The following NLRP7 variants were observed in gnomAD, a reference collection of about 807,000 sequenced individuals.
NLRP7 encodes NLR family pyrin domain containing 7.
In NLRP7, 72 loss-of-function variants were observed where a neutral mutation model predicts 85.5. The ratio of observed to expected loss-of-function variants is 0.84; its 90% CI spans 0.70 to 1.02. NLRP7 has a LOEUF of 1.02. Ranked by LOEUF, NLRP7 falls within the 50% of genes least tolerant of loss-of-function variation. NLRP7 has a pLI of 0.00. For synonymous variants in NLRP7, 550 were observed against 505.2 expected, an observed-to-expected ratio of 1.09 and a Z score of -1.19; for missense variants, 1,243 against 1,219.5, an observed-to-expected ratio of 1.02 and a Z score of -0.29.
At chr19:54,938,336 C>T in intron 4 of NLRP7, 95 bp from the exon 5 acceptor site, 1 of 957,930 alleles carries the variant, frequency 1.0e-6, no homozygotes, top group Non-Finnish European at 1.7e-6. Flanking sequence ...ACCACAATTA[C>T]TTTTGCACCA....
intron 9 of NLRP7, among the ~76,000 whole-genome samples, chr19:54,929,384 C>A (rs992596209): frequency 5.3e-5 from 7 of 132,824 alleles, no homozygotes; most frequent in African/African-American, 1.9e-4. Flanking sequence ...AAAAAGTACC[C>A]TGTGTTCTAG....
intron 1 of NLRP7, among the ~76,000 whole-genome samples, chr19:54,959,042 G>A (rs993275659): frequency 1.3e-5 from 2 of 152,090 alleles, no homozygotes; most frequent in African/African-American, 4.8e-5. Context: ...CTAGGTTTAC[G>A]CCAGGCAGGC....
At chr19:54,963,135 C>G (rs1241617586) in intron 1 of NLRP7, among the ~76,000 whole-genome samples, 1 of 152,096 alleles carries the variant, frequency 6.6e-6, no homozygotes, top group African/African-American at 2.4e-5. Flanking sequence ...GTGGCTCACA[C>G]CGGAAATCCC....
intron 9 of NLRP7, among the ~76,000 whole-genome samples, chr19:54,927,311 G>A (rs1348231866): frequency 6.9e-6 from 1 of 144,418 alleles, no homozygotes; most frequent in Non-Finnish European, 1.5e-5. Flanking sequence ...AACCCAGGAG[G>A]TGGGGGTTGC....
chr19:54,940,198 C>G (rs748771871), exon 4 of NLRP7: 3 of 1,614,028 alleles, frequency 1.9e-6, no homozygotes, highest in African/African-American at 2.7e-5. Flanking sequence ...TGAGGTAGAA[C>G]GCGTATCTGA....
chr19:54,939,000 A>T, exon 4 of NLRP7: 1 of 1,614,208 alleles, frequency 6.2e-7, no homozygotes, highest in East Asian at 2.2e-5. Flanking sequence ...CTGAAGGAAC[A>T]ATGCATCACT....
intron 1 of NLRP7, among the ~76,000 whole-genome samples, chr19:54,946,946 T>G (rs2069502233): frequency 6.6e-6 from 1 of 152,086 alleles, no homozygotes; most frequent in African/African-American, 2.4e-5. Context: ...GGCCTTATAT[T>G]TTTTTGTAAT....
chr19:54,932,717 G>A (rs175093), intron 8 of NLRP7, among the ~76,000 whole-genome samples: 24,047 of 151,810 alleles, frequency 0.16, 2,385 homozygotes, highest in South Asian at 0.24. Flanking sequence ...GTGCAGTGGC[G>A]CCATCTCAGC....
Position 54,933,538 on chromosome 19 carries a change from G to GCACA in NLRP7, c.2642+27_2642+30dup. 3.2e-6 allele frequency: 5 copies of GCACA among 1,587,218 alleles called. No individual in the cohort carries two copies. The East Asian group carries it at 6.8e-5, about 21-fold the overall frequency. On this transcript the variant is annotated intron_variant, in intron 8 of 9. Transcript: ENST00000340844. ...ATGTCTCTCCTGCTTGAATTCATGT[G>GCACA]CACACACACACACACCCAGCAGGGA...
chr19:54,956,502 G>A (rs1346089240), intron 1 of NLRP7, among the ~76,000 whole-genome samples: 1 of 150,678 alleles, frequency 6.6e-6, no homozygotes, highest in Non-Finnish European at 1.5e-5. Flanking sequence ...CCACCCTGGT[G>A]AACATGGCAA....
chr19:54,957,682 A>G (rs1377795220), intron 1 of NLRP7, among the ~76,000 whole-genome samples: 1 of 152,126 alleles, frequency 6.6e-6, no homozygotes, highest in Non-Finnish European at 1.5e-5. Context: ...CAGCTAGATG[A>G]GCTTCAATCA....
At chr19:54,956,332 G>T (rs2069852265) in intron 1 of NLRP7, among the ~76,000 whole-genome samples, 1 of 152,146 alleles carries the variant, frequency 6.6e-6, no homozygotes, top group African/African-American at 2.4e-5. Context: ...CTCTGCTGGA[G>T]AACTGGTTGT....
intron 2 of NLRP7, 63 bp downstream of exon 2, chr19:54,941,372 A>T: frequency 1.5e-5 from 16 of 1,042,216 alleles, no homozygotes; most frequent in Non-Finnish European, 2.3e-5. Context: ...ACAGAACGAG[A>T]CTCCATCTCA....
intron 1 of NLRP7, among the ~76,000 whole-genome samples, chr19:54,942,821 T>C (rs1347121735): frequency 1.3e-5 from 2 of 152,008 alleles, no homozygotes; most frequent in East Asian, 2.0e-4. Context: ...GAATGACACA[T>C]TGAAAACAAA....
intron 5 of NLRP7, among the ~76,000 whole-genome samples, chr19:54,936,984 C>T (rs989283295): frequency 1.3e-5 from 2 of 149,894 alleles, no homozygotes; most frequent in Non-Finnish European, 1.5e-5. Context: ...AGGCCGAGGC[C>T]GAGGCGGGTG....
chr19:54,927,558 AAAAACAAAAACAAAAAAC>A lies in NLRP7; in HGVS notation c.2810+2923_2810+2940del, dbSNP rs551796210. ...ATGACAGAGCACGACTCCATCTCAA[AAAAACAAAAACAAAAAAC>A]AAAACAAAACAAAACAAAAAACCCA... On this transcript the variant is annotated intron_variant, in intron 9 of 9. Transcript: ENST00000340844. The A allele has an allele frequency of 7.4e-4, 1,141 of 1,551,008 alleles. 20 individuals carry two copies. The South Asian group carries it at 0.012, about 16-fold the overall frequency.
chr19:54,937,579 G>A (rs1253627904), intron 5 of NLRP7, among the ~76,000 whole-genome samples: 1 of 150,438 alleles, frequency 6.6e-6, no homozygotes, highest in African/African-American at 2.4e-5. Flanking sequence ...GTGACAGAGT[G>A]AAACTCTGTC....
intron 8 of NLRP7, among the ~76,000 whole-genome samples, chr19:54,932,131 A>G (rs2068704905): frequency 6.6e-6 from 1 of 152,086 alleles, no homozygotes; most frequent in South Asian, 2.1e-4. Context: ...TGTTTGTTTA[A>G]CAATAGTTAT....
chr19:54,943,328 G>A (rs1464130378), intron 1 of NLRP7, among the ~76,000 whole-genome samples: 5 of 151,328 alleles, frequency 3.3e-5, no homozygotes, highest in African/African-American at 7.3e-5. Flanking sequence ...ATGGCCGGGT[G>A]CGGTGGCTCA....
Sources: gnomAD v4.1 joint callset for allele counts (sites outside exome capture counted in the v4.1 genomes callset) on GRCh38, gnomAD v4.1.1 for gene constraint, MANE v1.5 for transcripts, NCBI Gene and HGNC (gene_info 2026-07-23, HGNC 2026-07-21) for gene names.